PTK2: variants seen among roughly 807,000 people sequenced by gnomAD.
PTK2 encodes protein tyrosine kinase 2.
A neutral mutation model predicts 150.1 loss-of-function variants in PTK2; 45 were observed. The ratio of observed to expected loss-of-function variants is 0.30; its 90% CI spans 0.24 to 0.38. PTK2 has a LOEUF of 0.38. PTK2 is among the 10% of genes least tolerant of loss of function. PTK2 has a pLI of 1.00. For synonymous variants in PTK2, 432 were observed against 449.2 expected (o/e 0.96, Z 0.48); for missense variants, 919 against 1,307.3 (o/e 0.70, Z 4.58).
intron 26 of PTK2, among the ~76,000 whole-genome samples, chr8:140,696,630 A>G (rs1415275461): frequency 6.6e-6 from 1 of 152,170 alleles, no homozygotes; most frequent in African/African-American, 2.4e-5. Flanking sequence ...TAATCTTTAA[A>G]GACAAAAAGG....
At chr8:140,849,015 C>T (rs765140228) in intron 5 of PTK2, among the ~76,000 whole-genome samples, 19 of 151,966 alleles carry the variant, frequency 1.3e-4, no homozygotes, top group African/African-American at 3.6e-4. Context: ...AAACCAAATT[C>T]GCATTGTAAA....
At chr8:140,817,070 C>A (rs200790527) in intron 10 of PTK2, among the ~76,000 whole-genome samples, 13 of 152,120 alleles carry the variant, frequency 8.5e-5, no homozygotes, top group East Asian at 5.8e-4. Flanking sequence ...TCCCATCTGG[C>A]CCCCAGGGAG....
rs367667977 is a variant in PTK2, at chr8:140,702,572, C to T, written c.2365G>A (p.Glu789Lys). ...GAAGCCCAAGACACCCGATTTACCT[C>T]CACATTGGGCTGCCACATTGCTATC... is the stretch of plus-strand genomic sequence containing the variant. Residue 789 changes from glutamate to lysine, a missense_variant and splice_region_variant, in exon 25 of 32, where the codon GAG (glutamate) becomes AAG (lysine). Transcript: ENST00000522684. The T allele has an allele frequency of 1.2e-4, 187 of 1,612,850 alleles. No individual in the cohort carries two copies. The highest frequency in any genetic ancestry group is 1.5e-4 in the Non-Finnish European group (179 of 1,179,518).
intron 26 of PTK2, among the ~76,000 whole-genome samples, chr8:140,690,248 G>A (rs1347276173): frequency 6.6e-6 from 1 of 152,178 alleles, no homozygotes; most frequent in Non-Finnish European, 1.5e-5. Flanking sequence ...CACCGCGCCA[G>A]GCCAACAGTT....
intron 26 of PTK2, among the ~76,000 whole-genome samples, chr8:140,688,580 G>C (rs2100021331): frequency 6.6e-6 from 1 of 152,006 alleles, no homozygotes; most frequent in African/African-American, 2.4e-5. Flanking sequence ...AATTAGCTGG[G>C]AATGGTGGTG....
chr8:140,854,301 C>T (rs1423367222), intron 5 of PTK2, among the ~76,000 whole-genome samples: 1 of 152,168 alleles, frequency 6.6e-6, no homozygotes, highest in Non-Finnish European at 1.5e-5. Flanking sequence ...TTCAACAGTG[C>T]TAAAAGATTT....
intron 7 of PTK2, among the ~76,000 whole-genome samples, chr8:140,835,595 T>C (rs1240472877): frequency 6.6e-6 from 1 of 152,198 alleles, no homozygotes; most frequent in Non-Finnish European, 1.5e-5. Context: ...CATTCTCCCC[T>C]TCATCCTGGG....
intron 1 of PTK2, among the ~76,000 whole-genome samples, chr8:140,983,470 AGTT>A (rs2100192215): frequency 6.6e-6 from 1 of 152,006 alleles, no homozygotes; most frequent in South Asian, 2.1e-4. Flanking sequence ...AATACTATGT[AGTT>A]GTATTATCTT....
At chr8:140,974,948 G>T (rs2100188727) in intron 1 of PTK2, among the ~76,000 whole-genome samples, 2 of 152,132 alleles carry the variant, frequency 1.3e-5, no homozygotes, top group African/African-American at 4.8e-5. Context: ...AATTACGCTG[G>T]ATTCCTTCTC....
At chr8:140,749,056 G>C (rs924053542) in intron 17 of PTK2, among the ~76,000 whole-genome samples, 1 of 152,318 alleles carries the variant, frequency 6.6e-6, no homozygotes, top group South Asian at 2.1e-4. Context: ...GAAAGACTTT[G>C]AAATGGGCAA....
At chr8:140,699,738 A>G (rs919213773) in intron 26 of PTK2, among the ~76,000 whole-genome samples, 1 of 152,182 alleles carries the variant, frequency 6.6e-6, no homozygotes, top group African/African-American at 2.4e-5. Context: ...GCCCATAATG[A>G]CACTACTAAA....
At chr8:140,692,596 G>T (rs958915647) in intron 26 of PTK2, among the ~76,000 whole-genome samples, 5 of 151,002 alleles carry the variant, frequency 3.3e-5, no homozygotes, top group Admixed American at 3.3e-4. Context: ...CAGCCTGGGG[G>T]ACAAGAGTAA....
At chr8:140,968,657 T>C (rs1453366746) in intron 1 of PTK2, among the ~76,000 whole-genome samples, 1 of 152,212 alleles carries the variant, frequency 6.6e-6, no homozygotes, top group Non-Finnish European at 1.5e-5. Flanking sequence ...GTGAAAGGCT[T>C]AAAATGTCAA....
chr8:140,954,136 C>T (rs186129746), intron 1 of PTK2, among the ~76,000 whole-genome samples: 3 of 152,182 alleles, frequency 2.0e-5, no homozygotes, highest in East Asian at 3.9e-4. Flanking sequence ...TGCAACATCA[C>T]GTCTGGCTAA....
At chr8:140,890,744 G>C in exon 3 of PTK2, 1 of 1,614,086 alleles carries the variant, frequency 6.2e-7, no homozygotes, top group East Asian at 2.2e-5. Flanking sequence ...CCATTATTTT[G>C]CTAGATGCTA....
In PTK2 at chr8:140,948,136, T is replaced by C. The variant is rs566609785; in HGVS notation, c.-121-22387A>G. Among the ~76,000 whole-genome samples, 9 of 152,122 alleles carry C rather than the reference T, an allele frequency of 5.9e-5. No homozygotes were observed. The East Asian group carries it at 1.7e-3, about 29-fold the overall frequency. ...ACAGACAATAAAGGATCATCAGACA[T>C]ACAGGGAATACCACCTTCATGAAAA... is the stretch of plus-strand genomic sequence containing the variant. On this transcript the variant is annotated intron_variant, in intron 1 of 31. Transcript: ENST00000522684.
At chr8:140,683,446 T>C (rs988424882) in intron 27 of PTK2, among the ~76,000 whole-genome samples, 10 of 152,128 alleles carry the variant, frequency 6.6e-5, no homozygotes, top group Non-Finnish European at 1.5e-4. Context: ...GGTAGCACTC[T>C]TACTAAAACC....
intron 1 of PTK2, among the ~76,000 whole-genome samples, chr8:140,988,257 T>C (rs2100194106): frequency 6.6e-6 from 1 of 152,172 alleles, no homozygotes; most frequent in Non-Finnish European, 1.5e-5. Flanking sequence ...ATTTTAGAAG[T>C]TGACAAGTAA....
chr8:140,675,248 C>A (rs1029784027), intron 28 of PTK2, among the ~76,000 whole-genome samples: 2 of 151,094 alleles, frequency 1.3e-5, no homozygotes, highest in African/African-American at 2.4e-5. Flanking sequence ...TCACTGCAAC[C>A]CTAAGGAGGT....
Sources: gnomAD v4.1 joint callset for allele counts (sites outside exome capture counted in the v4.1 genomes callset) on GRCh38, gnomAD v4.1.1 for gene constraint, MANE v1.5 for transcripts, NCBI Gene and HGNC (gene_info 2026-07-23, HGNC 2026-07-21) for gene names.